The following WDR7 variants were observed in gnomAD, a reference collection of about 807,000 sequenced individuals.
The protein encoded by WDR7 is WD repeat-containing protein 7.
Under a neutral mutation model 169.4 loss-of-function variants are expected in WDR7, and 46 were observed. The ratio of observed to expected loss-of-function variants is 0.27; its 90% CI spans 0.21 to 0.35. WDR7 has a LOEUF of 0.35. WDR7 is among the 10% of genes least tolerant of loss of function. WDR7 has a pLI of 1.00. For missense variants in WDR7, 1,534 were observed against 1,859.3 expected, an observed-to-expected ratio of 0.83 and a Z score of 3.22; for synonymous variants, 612 against 666.8, an observed-to-expected ratio of 0.92 and a Z score of 1.27.
chr18:56,662,789 T>C lies in WDR7; in HGVS notation c.-19-9708T>C, dbSNP rs569231384. 2.0e-5 allele frequency among the ~76,000 whole-genome samples: 3 copies of C among 152,174 alleles called. No homozygotes were observed. The East Asian group carries it at 5.8e-4, about 29-fold the overall frequency. On this transcript the variant is annotated intron_variant, in intron 1 of 27. Coordinates refer to ENST00000254442, the MANE Select transcript of WDR7 (RefSeq NM_015285.3). ...AGTTAAATGATATCATAAAAAACAA[T>C]CAGAAAAATCTTCAGATATGGAACA...
intron 25 of WDR7, among the ~76,000 whole-genome samples, chr18:56,940,508 G>T (rs2145704616): frequency 6.6e-6 from 1 of 152,210 alleles, no homozygotes; most frequent in Admixed American, 6.5e-5. Flanking sequence ...CTTGTGATGG[G>T]GTTTGGCAAA....
At chr18:56,672,328 G>C (rs548326021) in intron 1 of WDR7, among the ~76,000 whole-genome samples, 169 bp from the exon 2 acceptor site, 16 of 151,852 alleles carry the variant, frequency 1.1e-4, no homozygotes, top group Non-Finnish European at 2.1e-4. Context: ...ATCTAGAGTA[G>C]TTATAATAAA....
chr18:56,927,344 T>A (rs966821287), intron 22 of WDR7, among the ~76,000 whole-genome samples: 1 of 152,144 alleles, frequency 6.6e-6, no homozygotes, highest in Non-Finnish European at 1.5e-5. Flanking sequence ...TGGTGGCTCA[T>A]GCTTGTAATC....
chr18:56,743,824 A>G (rs1021563462), intron 14 of WDR7, among the ~76,000 whole-genome samples: 18 of 152,150 alleles, frequency 1.2e-4, no homozygotes, highest in Admixed American at 2.6e-4. Context: ...CGATCAGGAT[A>G]GGGAGGAATT....
intron 20 of WDR7, among the ~76,000 whole-genome samples, chr18:56,840,879 G>A (rs2045475282): frequency 6.6e-6 from 1 of 151,860 alleles, no homozygotes; most frequent in African/African-American, 2.4e-5. Flanking sequence ...TATAAAATAT[G>A]CATGTTAGTA....
intron 26 of WDR7, among the ~76,000 whole-genome samples, chr18:56,993,820 C>T (rs1043383193): frequency 6.6e-6 from 1 of 152,056 alleles, no homozygotes; most frequent in African/African-American, 2.4e-5. Context: ...GGATAATCTT[C>T]GGATTACTGG....
chr18:56,864,984 C>T (rs1353931941), intron 20 of WDR7, among the ~76,000 whole-genome samples: 4 of 151,962 alleles, frequency 2.6e-5, no homozygotes, highest in East Asian at 3.9e-4. Flanking sequence ...CAAACAAGAC[C>T]GATCATTACA....
At position 56,770,550 on chromosome 18, in the gene WDR7, A is replaced by G. The variant is rs80153318; in HGVS notation, c.2849-6232A>G. Among the ~76,000 whole-genome samples, 1,002 of 152,340 alleles carry G rather than the reference A, an allele frequency of 6.6e-3. 17 individuals are homozygous for G. Among genetic ancestry groups the G allele is most frequent in the African/African-American group, 0.023 (945 of 41,580 alleles). ...GACTTTTTGATTTGAGTTATAGGCC[A>G]AGGTAAAATTTTCATCACATCTGTG... On this transcript the variant is annotated intron_variant, in intron 16 of 27. Coordinates refer to ENST00000254442, the MANE Select transcript of WDR7 (RefSeq NM_015285.3).
At chr18:56,691,006 AG>A in intron 7 of WDR7, among the ~76,000 whole-genome samples, 1 of 152,148 alleles carries the variant, frequency 6.6e-6, no homozygotes, top group East Asian at 1.9e-4. Flanking sequence ...CCCTGTCCAC[AG>A]GGAGGTTACC....
At chr18:56,762,156 G>C (rs904509026) in intron 16 of WDR7, among the ~76,000 whole-genome samples, 1 of 151,818 alleles carries the variant, frequency 6.6e-6, no homozygotes, top group African/African-American at 2.4e-5. Context: ...ACCCAATCTT[G>C]CATCCTAGAA....
chr18:56,734,151 C>A (rs2026646067), intron 14 of WDR7, among the ~76,000 whole-genome samples: 1 of 152,146 alleles, frequency 6.6e-6, no homozygotes, highest in South Asian at 2.1e-4. Context: ...GTTTTGCATT[C>A]TTCCTTTGGT....
At chr18:56,973,009 G>A (rs974341101) in intron 26 of WDR7, among the ~76,000 whole-genome samples, 4 of 152,136 alleles carry the variant, frequency 2.6e-5, no homozygotes, top group Non-Finnish European at 5.9e-5. Context: ...GATTACAGGT[G>A]TGTGCCGCCA....
chr18:56,821,494 C>T (rs1242050783), intron 20 of WDR7, among the ~76,000 whole-genome samples: 1 of 152,146 alleles, frequency 6.6e-6, no homozygotes, highest in Non-Finnish European at 1.5e-5. Context: ...CTCTGCACTG[C>T]CTCACATTCT....
At chr18:56,927,176 A>G (rs1421205252) in intron 22 of WDR7, among the ~76,000 whole-genome samples, 3 of 152,178 alleles carry the variant, frequency 2.0e-5, no homozygotes, top group African/African-American at 7.2e-5. Context: ...AGGGGCAACC[A>G]ATCAGGTCCC....
intron 21 of WDR7, among the ~76,000 whole-genome samples, chr18:56,895,997 T>C (rs2046327859): frequency 6.6e-6 from 1 of 151,876 alleles, no homozygotes; most frequent in Non-Finnish European, 1.5e-5. Context: ...GTGCTGACAA[T>C]ATACTGGTTA....
chr18:56,848,162 G>A (rs1568229219), intron 20 of WDR7, among the ~76,000 whole-genome samples: 1 of 152,234 alleles, frequency 6.6e-6, no homozygotes, highest in Non-Finnish European at 1.5e-5. Flanking sequence ...CCTACCCCTT[G>A]CACAGTGTGT....
intron 20 of WDR7, among the ~76,000 whole-genome samples, chr18:56,859,974 T>C (rs9947333): frequency 0.097 from 14,823 of 152,212 alleles, 1,870 homozygotes; most frequent in African/African-American, 0.29. Context: ...AGTAAATGAT[T>C]CTAAGATATT....
intron 16 of WDR7, among the ~76,000 whole-genome samples, chr18:56,766,772 T>C (rs2044074988): frequency 6.6e-6 from 1 of 152,168 alleles, no homozygotes; most frequent in Non-Finnish European, 1.5e-5. Context: ...TTTTTTTCCT[T>C]GTCTCTACCT....
chr18:56,710,045 C>G (rs2026051301), intron 12 of WDR7, among the ~76,000 whole-genome samples: 1 of 147,334 alleles, frequency 6.8e-6, no homozygotes, highest in Non-Finnish European at 1.5e-5. Context: ...GCTCTGTCAC[C>G]CAGGCTGGAG....
Sources: allele counts gnomAD v4.1 joint callset (sites outside exome capture counted in the v4.1 genomes callset), GRCh38; gene constraint gnomAD v4.1.1; transcripts MANE v1.5; gene names NCBI Gene and HGNC (gene_info 2026-07-23, HGNC 2026-07-21).